TF: variants seen among roughly 807,000 people sequenced by gnomAD.
TF encodes serotransferrin.
Under a neutral mutation model 82.4 loss-of-function variants are expected in TF, and 55 were observed. The ratio of observed to expected loss-of-function variants is 0.67; its 90% CI spans 0.54 to 0.84. TF has a LOEUF of 0.84. Among genes scored for constraint, TF ranks in the 40% least tolerant of loss-of-function variants. The pLI is 0.00. For missense variants in TF, 737 were observed against 868.4 expected, an observed-to-expected ratio of 0.85 and a Z score of 1.90; for synonymous variants, 332 against 332.6, an observed-to-expected ratio of 1.00 and a Z score of 0.02.
chr3:133,734,589 T>C, the TF span, among the ~76,000 whole-genome samples: 1 of 152,146 alleles, frequency 6.6e-6, no homozygotes, highest in Non-Finnish European at 1.5e-5. Context: ...ACTAAACAGA[T>C]GAAGAAAGGG....
intron 5 of TF, among the ~76,000 whole-genome samples, 153 bp from the exon 6 acceptor site, chr3:133,756,129 C>T (rs747743199): frequency 1.2e-4 from 18 of 152,078 alleles, no homozygotes; most frequent in Non-Finnish European, 2.5e-4. Flanking sequence ...CTCAGCACTA[C>T]GCTGGAGGTC....
chr3:133,730,428 C>T, the TF span, among the ~76,000 whole-genome samples: 1 of 152,172 alleles, frequency 6.6e-6, no homozygotes, highest in Admixed American at 6.5e-5. Context: ...CTCTGTTATC[C>T]AAAGCCCAGA....
At chr3:133,719,710 C>T in the TF span, among the ~76,000 whole-genome samples, 1 of 151,954 alleles carries the variant, frequency 6.6e-6, no homozygotes, top group South Asian at 2.1e-4. Context: ...TGTAGTATGG[C>T]CATTTTTACA....
At chr3:133,696,606 T>A in the TF span, among the ~76,000 whole-genome samples, 56 of 152,218 alleles carry the variant, frequency 3.7e-4, no homozygotes, top group African/African-American at 1.3e-3. Context: ...ATCAATTCTC[T>A]TAGTCATTGA....
At chr3:133,723,637 T>TTA in the TF span, among the ~76,000 whole-genome samples, 2,396 of 143,558 alleles carry the variant, frequency 0.017, 34 homozygotes, top group Admixed American at 0.049. Flanking sequence ...GTTTGGTTCT[T>TTA]TTATTATTAT....
the TF span, among the ~76,000 whole-genome samples, chr3:133,735,250 G>C: frequency 6.7e-6 from 1 of 150,342 alleles, no homozygotes; most frequent in African/African-American, 2.5e-5. Flanking sequence ...CTGACACAGA[G>C]AATTGCTTGA....
the TF span, among the ~76,000 whole-genome samples, chr3:133,717,841 T>C: frequency 6.6e-6 from 1 of 152,068 alleles, no homozygotes; most frequent in African/African-American, 2.4e-5. Flanking sequence ...GTAATAATGG[T>C]TTAAGGATGG....
the TF span, among the ~76,000 whole-genome samples, chr3:133,733,118 T>G: frequency 1.3e-5 from 2 of 152,226 alleles, no homozygotes; most frequent in Non-Finnish European, 2.9e-5. Flanking sequence ...ACCCCACTTC[T>G]GGGGGCCCAT....
upstream of TF, chr3:133,746,324 G>A (rs540606355): frequency 1.3e-4 from 154 of 1,222,050 alleles, no homozygotes; most frequent in Non-Finnish European, 1.8e-4. Context: ...AAACACGGGA[G>A]GTCAAAGATT....
In TF at chr3:133,768,145, G is replaced by A. The variant is rs752715864; in HGVS notation, c.1603G>A (p.Gly535Ser). ...ACCCAACAACAAAGAGGGATACTAC[G>A]GCTACACAGGCGCTTTCAGGTGAGT... ...CEPNNKEGYYGYTGAFRCLVE... is the reference protein window; with the variant it reads ...CEPNNKEGYYSYTGAFRCLVE... Residue 535 changes from glycine (G) to serine (S), a missense_variant, in exon 13 of 17, where the codon GGC (glycine) becomes AGC (serine). By Grantham distance (56) the Gly-to-Ser change is moderately conservative. Transcript: ENST00000402696. The A allele has an allele frequency of 8.1e-6, 13 of 1,613,952 alleles. No individual in the cohort carries two copies. Among genetic ancestry groups the A allele is most frequent in the East Asian group, 2.2e-5 (1 of 44,844 alleles).
rs531641105 is a variant in TF, at chr3:133,779,032, G to A, written c.*412G>A. 2.8e-5 allele frequency: 6 copies of A among 217,140 alleles called. No individual in the cohort carries two copies. Among genetic ancestry groups the A allele is most frequent in the African/African-American group, 6.9e-5 (3 of 43,324 alleles). The allele number at this position is 217,140 out of a possible 1,614,324, so 13.5% of individuals were successfully genotyped here. A position where few individuals can be genotyped will look rare whatever the true frequency, so the allele number is the denominator to read the frequency against. ...TACTGGTGTGTGTGTGCACGTGCGC[G>A]TGCGTGTGTCATGCTAAGGAAGGGG... On this transcript the variant is annotated 3_prime_UTR_variant, in exon 17 of 17. Transcript: ENST00000402696.
At position 133,766,227 on chromosome 3, in the gene TF, C is replaced by A. The variant is rs752138055; in HGVS notation, c.1331-51C>A. 4 of 1,582,286 alleles carry A rather than the reference C, an allele frequency of 2.5e-6. 1 individual carries two copies. In the South Asian group the frequency reaches 4.4e-5, roughly 18 times the overall value. On this transcript the variant is annotated intron_variant, in intron 11 of 16. Transcript: ENST00000402696. ...GGGAAATTGATTGGAAGCAGACACT[C>A]TGGAAGCCCCAGAGGTGTTAATACA...
the TF span, among the ~76,000 whole-genome samples, chr3:133,734,968 A>G: frequency 1.3e-5 from 2 of 152,356 alleles, no homozygotes; most frequent in East Asian, 3.9e-4. Flanking sequence ...TTAAGAGTTA[A>G]ATGTAACATG....
At chr3:133,742,993 ATCTCTTTCTCTT>A (rs565750268), upstream of TF, among the ~76,000 whole-genome samples, 5 of 152,028 alleles carry the variant, frequency 3.3e-5, no homozygotes, top group Admixed American at 1.3e-4. Context: ...TCCTCTATCA[ATCTCTTTCTCTT>A]TCTCTTTCTC....
the TF span, among the ~76,000 whole-genome samples, chr3:133,666,097 T>C: frequency 2.0e-5 from 3 of 152,214 alleles, no homozygotes; most frequent in Admixed American, 6.5e-5. Context: ...AAATAGGTTT[T>C]TTGAGTTATA....
At chr3:133,703,961 T>G in the TF span, among the ~76,000 whole-genome samples, 19 of 152,004 alleles carry the variant, frequency 1.2e-4, no homozygotes, top group African/African-American at 4.6e-4. Flanking sequence ...GGTGGTGAGG[T>G]CATATCCAGG....
chr3:133,728,716 G>A, the TF span, among the ~76,000 whole-genome samples: 29 of 152,316 alleles, frequency 1.9e-4, no homozygotes, highest in African/African-American at 6.7e-4. Context: ...TTCCTTTGGA[G>A]GAGGAGAGGC....
chr3:133,724,786 T>G, the TF span, among the ~76,000 whole-genome samples: 9 of 152,252 alleles, frequency 5.9e-5, no homozygotes, highest in African/African-American at 2.2e-4. Context: ...TTTATGGTTT[T>G]AGGTCTAACA....
Position 133,786,347 on chromosome 3 carries a change from C to A in TF, c.*7727C>A, listed in dbSNP as rs1559883754. ...TTTTGTAAATCTTTTTGTTAAAATT[C>A]ATATGTAATGTTGTTTTGGTTGGGG... On this transcript the variant is annotated 3_prime_UTR_variant, in exon 17 of 17. Transcript: ENST00000402696. 1 of 151,072 alleles carries A rather than the reference C, an allele frequency of 6.6e-6. No homozygotes were observed. 9.4% of individuals were successfully genotyped at this position (151,072 alleles called of 1,614,324 possible). A position where few individuals can be genotyped will look rare whatever the true frequency, so the allele number is the denominator to read the frequency against.
Sources: gnomAD v4.1 joint callset for allele counts (sites outside exome capture counted in the v4.1 genomes callset) on GRCh38, gnomAD v4.1.1 for gene constraint, MANE v1.5 for transcripts, NCBI Gene and HGNC (gene_info 2026-07-23, HGNC 2026-07-21) for gene names.